The following ZBTB20 variants were observed in gnomAD, a reference collection of about 807,000 sequenced individuals.
ZBTB20 encodes zinc finger and BTB domain-containing protein 20.
A neutral mutation model predicts 56.9 loss-of-function variants in ZBTB20; 9 were observed. The observed-to-expected ratio is 0.16, with a 90% CI of 0.10 to 0.28. ZBTB20 has a LOEUF of 0.28. Among genes scored for constraint, ZBTB20 ranks in the 10% least tolerant of loss-of-function variants. The probability of loss-of-function intolerance (pLI) is 1.00; values close to 1 mark genes in which losing one functional copy is unlikely to be tolerated. For synonymous variants in ZBTB20, 417 were observed against 420.7 expected (o/e 0.99, Z 0.11); for missense variants, 655 against 1,003.0 (o/e 0.65, Z 4.69).
chr3:114,898,040 T>C (rs755052393), intron 4 of ZBTB20, among the ~76,000 whole-genome samples: 2 of 152,148 alleles, frequency 1.3e-5, no homozygotes, highest in Non-Finnish European at 2.9e-5. Flanking sequence ...GAGACCATAA[T>C]TATAAACATG....
At chr3:114,748,278 GCTTCTTT>G (rs1489513574) in intron 5 of ZBTB20, among the ~76,000 whole-genome samples, 69 of 130,652 alleles carry the variant, frequency 5.3e-4, no homozygotes, top group South Asian at 1.3e-3. Flanking sequence ...TTTTGTTGTA[GCTTCTTT>G]CTTTCTTTCT....
intron 4 of ZBTB20, among the ~76,000 whole-genome samples, chr3:114,872,915 A>T (rs947899434): frequency 6.6e-6 from 1 of 152,140 alleles, no homozygotes; most frequent in African/African-American, 2.4e-5. Context: ...GTATGATTTC[A>T]AGGCTGCTCA....
intron 1 of ZBTB20, among the ~76,000 whole-genome samples, chr3:115,125,061 G>A (rs543662700): frequency 6.6e-6 from 1 of 151,778 alleles, no homozygotes; most frequent in Non-Finnish European, 1.5e-5. Context: ...GTGATATACA[G>A]GCCAGGCATG....
intron 3 of ZBTB20, among the ~76,000 whole-genome samples, chr3:114,901,846 G>C (rs1318764406): frequency 6.6e-6 from 1 of 151,864 alleles, no homozygotes; most frequent in Non-Finnish European, 1.5e-5. Context: ...ACAAAACAAA[G>C]AATTAAGAGT....
intron 4 of ZBTB20, among the ~76,000 whole-genome samples, chr3:114,826,720 T>C (rs1171746461): frequency 2.0e-5 from 3 of 151,692 alleles, no homozygotes; most frequent in African/African-American, 7.3e-5. Context: ...TTCATCTTAA[T>C]AGTAATCACA....
At chr3:114,556,353 C>G (rs953747818) in intron 6 of ZBTB20, among the ~76,000 whole-genome samples, 7 of 151,998 alleles carry the variant, frequency 4.6e-5, no homozygotes, top group African/African-American at 1.7e-4. Flanking sequence ...CACTTGCACT[C>G]TAAGACTGTT....
In ZBTB20 at chr3:115,136,116, G is replaced by A. The variant is rs186790376; in HGVS notation, c.-703+11103C>T. Among the ~76,000 whole-genome samples, 31 of 152,080 alleles carry A rather than the reference G, an allele frequency of 2.0e-4. 1 individual carries two copies. In the South Asian group the frequency reaches 6.0e-3, roughly 30 times the overall value. On this transcript the variant is annotated intron_variant, in intron 1 of 11. Transcript: ENST00000675478. ...TAGTAGATTTGCTTTACCACTGATG[G>A]GAGATACCTGACACATTTCTTTTCT...
chr3:114,618,647 T>G (rs1405902807), intron 6 of ZBTB20, among the ~76,000 whole-genome samples: 1 of 152,218 alleles, frequency 6.6e-6, no homozygotes, highest in Non-Finnish European at 1.5e-5. Context: ...AGAAACAGTC[T>G]GTGTACAGTA....
At chr3:115,142,854 G>A (rs2084855913) in intron 1 of ZBTB20, among the ~76,000 whole-genome samples, 1 of 151,974 alleles carries the variant, frequency 6.6e-6, no homozygotes, top group Non-Finnish European at 1.5e-5. Context: ...TTCCAAATTA[G>A]CATAAATAGA....
At chr3:114,980,078 T>C (rs2078269015) in intron 2 of ZBTB20, among the ~76,000 whole-genome samples, 1 of 152,066 alleles carries the variant, frequency 6.6e-6, no homozygotes, top group Admixed American at 6.6e-5. Context: ...TACTAAATAC[T>C]GTTTTTAACT....
chr3:114,537,825 A>T (rs1325036268), intron 6 of ZBTB20, among the ~76,000 whole-genome samples: 1 of 152,174 alleles, frequency 6.6e-6, no homozygotes, highest in Non-Finnish European at 1.5e-5. Context: ...GGATGAGTTC[A>T]TTTCCTTTGC....
At chr3:114,637,981 C>T (rs1225942090) in intron 6 of ZBTB20, among the ~76,000 whole-genome samples, 1 of 152,060 alleles carries the variant, frequency 6.6e-6, no homozygotes, top group Non-Finnish European at 1.5e-5. Context: ...CCTAACCAAA[C>T]TTCATTCCCT....
chr3:114,495,683 A>T (rs1422829396), intron 7 of ZBTB20, among the ~76,000 whole-genome samples: 1 of 152,018 alleles, frequency 6.6e-6, no homozygotes, highest in Non-Finnish European at 1.5e-5. Flanking sequence ...GATTCTCTGA[A>T]TGAGTCAAAA....
At chr3:115,043,634 T>TAAA in intron 2 of ZBTB20, among the ~76,000 whole-genome samples, 1 of 143,934 alleles carries the variant, frequency 6.9e-6, no homozygotes, top group Non-Finnish European at 1.5e-5. Context: ...AATAAAATAA[T>TAAA]AAAATAAATA....
At chr3:115,053,287 A>C (rs1560529339) in intron 2 of ZBTB20, among the ~76,000 whole-genome samples, 1 of 152,188 alleles carries the variant, frequency 6.6e-6, no homozygotes, top group Non-Finnish European at 1.5e-5. Context: ...TCGTTGGAAC[A>C]GTTTCTTGTT....
chr3:114,515,721 A>G (rs560652423), intron 6 of ZBTB20, among the ~76,000 whole-genome samples: 46 of 152,308 alleles, frequency 3.0e-4, no homozygotes, highest in Non-Finnish European at 2.6e-4. Flanking sequence ...GTAACATTTC[A>G]GAGATCTTTC....
At chr3:114,461,315 T>G (rs2092322242) in intron 7 of ZBTB20, among the ~76,000 whole-genome samples, 1 of 145,952 alleles carries the variant, frequency 6.9e-6, no homozygotes. Context: ...CCTCTTTTTT[T>G]TTGAGACAGG....
At chr3:114,449,853 T>G (rs1375047105) in intron 7 of ZBTB20, among the ~76,000 whole-genome samples, 1 of 152,172 alleles carries the variant, frequency 6.6e-6, no homozygotes, top group African/African-American at 2.4e-5. Context: ...TGGCAAATTC[T>G]CGTATCCCCA....
At position 114,512,093 on chromosome 3, in the gene ZBTB20, C is replaced by T. The variant is rs555665677; in HGVS notation, c.-294-11702G>A. 6.6e-5 allele frequency among the ~76,000 whole-genome samples: 10 copies of T among 152,138 alleles called. No homozygotes were observed. The South Asian group carries it at 2.1e-3, about 32-fold the overall frequency. ...TCTGTTAGACCAATACAGTATGTCC[C>T]TTACTATTTCTCTGACTTCATCTCC... On this transcript the variant is annotated intron_variant, in intron 6 of 11. Transcript: ENST00000675478.
Sources: gnomAD v4.1 joint callset for allele counts (sites outside exome capture counted in the v4.1 genomes callset) on GRCh38, gnomAD v4.1.1 for gene constraint, MANE v1.5 for transcripts, NCBI Gene and HGNC (gene_info 2026-07-23, HGNC 2026-07-21) for gene names.